BHMT2: variants seen among roughly 807,000 people sequenced by gnomAD.
BHMT2 encodes betaine--homocysteine S-methyltransferase 2, also known as S-methylmethionine--homocysteine S-methyltransferase BHMT2.
In BHMT2, 28 loss-of-function variants were observed where a neutral mutation model predicts 39.0. The ratio of observed to expected loss-of-function variants is 0.72; its 90% CI spans 0.53 to 0.98. The LOEUF (loss-of-function observed/expected upper bound fraction) is 0.98, where lower values mean the gene tolerates loss of function less well. Among genes scored for constraint, BHMT2 ranks in the 50% least tolerant of loss-of-function variants. BHMT2 has a pLI of 0.00. For synonymous variants in BHMT2, 145 were observed against 160.6 expected (o/e 0.90, Z 0.74); for missense variants, 410 against 455.6 (o/e 0.90, Z 0.91).
At chr5:79,088,133 T>C (rs1755941640) in intron 7 of BHMT2, among the ~76,000 whole-genome samples, 1 of 152,168 alleles carries the variant, frequency 6.6e-6, no homozygotes, top group African/African-American at 2.4e-5. Flanking sequence ...TGAGCCAAGA[T>C]TGTGCCACTG....
intron 5 of BHMT2, 62 bp from the exon 6 acceptor site, chr5:79,083,130 A>G (rs548590719): frequency 3.2e-6 from 5 of 1,585,842 alleles, no homozygotes; most frequent in African/African-American, 1.4e-5. Context: ...GTACCTTCCA[A>G]CTATTAAAAA....
At position 79,087,015 on chromosome 5, in the gene BHMT2, T is replaced by TGTGC. The variant is rs1491506149; in HGVS notation, c.1011-1478_1011-1477insGTGC. 4.1e-3 allele frequency among the ~76,000 whole-genome samples: 235 copies of TGTGC among 56,684 alleles called. 1 individual carries two copies. Among genetic ancestry groups the TGTGC allele is most frequent in the African/African-American group, 0.033 (230 of 6,966 alleles). The allele number at this position is 56,684 out of a possible 152,430, so 37.2% of individuals were successfully genotyped here. On this transcript the variant is annotated intron_variant, in intron 7 of 7. Coordinates refer to ENST00000255192, the MANE Select transcript of BHMT2 (RefSeq NM_017614.5). ...GTGTATGTATGTGTGTGTGTGTGTGTATATATATATATATATATATATATA... is the reference window on the plus strand; with the variant it reads ...GTGTATGTATGTGTGTGTGTGTGTGTGTGCATATATATATATATATATATATATA...
intron 3 of BHMT2, among the ~76,000 whole-genome samples, chr5:79,080,354 TCAAC>T (rs1365524744): frequency 2.0e-5 from 3 of 152,234 alleles, no homozygotes; most frequent in Non-Finnish European, 4.4e-5. Context: ...ATTAATTCAT[TCAAC>T]CAACCAACAT....
chr5:79,084,567 G>A (rs747501522), intron 7 of BHMT2, among the ~76,000 whole-genome samples: 11 of 152,122 alleles, frequency 7.2e-5, no homozygotes, highest in Non-Finnish European at 1.5e-4. Flanking sequence ...AAGGGCACTA[G>A]TCCCATTCAT....
rs376104626 is a variant in BHMT2, at chr5:79,083,814, G to A, written c.968G>A (p.Gly323Glu). Residue 323 changes from glycine to glutamate, a missense_variant, in exon 7 of 8, where the codon GGA becomes GAA. Coordinates refer to ENST00000255192, the MANE Select transcript of BHMT2 (RefSeq NM_017614.5). ...PPASEKHGSWGSGLDMHTKPW... is the reference protein window; with the variant it reads ...PPASEKHGSWESGLDMHTKPW... ...GCTTCAGAAAAACACGGCAGCTGGG[G>A]AAGTGGTTTGGACATGCACACCAAA... The A allele has an allele frequency of 6.3e-5, 102 of 1,614,050 alleles. No homozygotes were observed. Among genetic ancestry groups the A allele is most frequent in the Middle Eastern group, 1.6e-4 (1 of 6,080 alleles).
chr5:79,086,419 A>G (rs1006763148), intron 7 of BHMT2, among the ~76,000 whole-genome samples: 4 of 152,152 alleles, frequency 2.6e-5, no homozygotes, highest in Non-Finnish European at 5.9e-5. Context: ...ACTTCTGTGC[A>G]GTGTCTGTCT....
intron 1 of BHMT2, among the ~76,000 whole-genome samples, chr5:79,076,539 G>T (rs983184011): frequency 6.6e-6 from 1 of 152,196 alleles, no homozygotes; most frequent in East Asian, 1.9e-4. Flanking sequence ...AATAAGTTAT[G>T]AGTGGGCTAA....
chr5:79,088,400 T>TGTGGG, intron 7 of BHMT2, 93 bp from the exon 8 acceptor site: 1 of 492,572 alleles, frequency 2.0e-6, no homozygotes, highest in Non-Finnish European at 3.5e-6. Flanking sequence ...GTGTGTGTGG[T>TGTGGG]TATATACATA....
intron 1 of BHMT2, among the ~76,000 whole-genome samples, chr5:79,072,224 G>T (rs948106574): frequency 6.6e-6 from 1 of 151,590 alleles, no homozygotes; most frequent in African/African-American, 2.4e-5. Flanking sequence ...CTGAGATCGC[G>T]CTACTGCACT....
Position 79,080,796 on chromosome 5 carries a change from AG to A in BHMT2, c.370del (p.Asp124MetfsTer13), listed in dbSNP as rs1755773322. On this transcript the variant is annotated frameshift_variant, in exon 4 of 8. Transcript: ENST00000255192. LOFTEE classifies it high-confidence loss of function. ...CAGACATCAATATACAAATACCAGA[AG>A]GATGAAGCTAGAATTAAAAAACTTT... ...ICQTSIYKYQ[K>X]DEARIKKLFR... The A allele has an allele frequency of 6.2e-7, 1 of 1,607,118 alleles. No homozygotes were observed. Among genetic ancestry groups the A allele is most frequent in the Non-Finnish European group, 8.5e-7 (1 of 1,178,108 alleles).
At chr5:79,071,361 G>T (rs1755568222) in intron 1 of BHMT2, 1 of 126,130 alleles carries the variant, frequency 7.9e-6, no homozygotes, top group Non-Finnish European at 1.8e-5. Context: ...CTACTACACA[G>T]TGAAGTTGAT....
At chr5:79,074,929 CAG>C (rs1382651416) in intron 1 of BHMT2, among the ~76,000 whole-genome samples, 2 of 152,196 alleles carry the variant, frequency 1.3e-5, no homozygotes, top group Admixed American at 1.3e-4. Context: ...TCGTTTGAGA[CAG>C]AGTATGAACG....
Position 79,089,538 on chromosome 5 carries a change from A to G in BHMT2, c.*964A>G, listed in dbSNP as rs183460439. 6.6e-6 allele frequency: 1 copy of G among 152,340 alleles called. No homozygotes were observed. Among genetic ancestry groups the G allele is most frequent in the East Asian group, 1.9e-4 (1 of 5,190 alleles). The allele number at this position is 152,340 out of a possible 1,614,324, so 9.4% of individuals were successfully genotyped here. On this transcript the variant is annotated 3_prime_UTR_variant, in exon 8 of 8. Transcript: ENST00000255192. ...TAGCTAGGTTATAAACTATTTAAAG[A>G]CAAGATCACGTGATAAGCTTATAAT...
intron 2 of BHMT2, 99 bp from the exon 3 acceptor site, chr5:79,079,270 G>A (rs1352914962): frequency 6.2e-6 from 5 of 802,220 alleles, no homozygotes; most frequent in Non-Finnish European, 1.0e-5. Context: ...GATTGAAAGA[G>A]ATGGGAGTCA....
intron 1 of BHMT2, among the ~76,000 whole-genome samples, chr5:79,073,377 T>C (rs1755616551): frequency 6.6e-6 from 1 of 152,180 alleles, no homozygotes; most frequent in South Asian, 2.1e-4. Context: ...TGTGTAGCAT[T>C]TATTGGTCAC....
intron 1 of BHMT2, among the ~76,000 whole-genome samples, chr5:79,070,634 G>A (rs1217170117): frequency 6.6e-6 from 1 of 152,034 alleles, no homozygotes; most frequent in Non-Finnish European, 1.5e-5. Flanking sequence ...GGCAGTTTAT[G>A]CGTGGAAATG....
At position 79,083,072 on chromosome 5, in the gene BHMT2, T is replaced by G. The variant is rs1042564319; in HGVS notation, c.598+116T>G. ...TAGAAGAATGAACTCCAATCAGTTT[T>G]CTTATCTGTAAATTGTGGGAGGTGG... On this transcript the variant is annotated intron_variant, in intron 5 of 7. Coordinates refer to ENST00000255192, the MANE Select transcript of BHMT2 (RefSeq NM_017614.5). 7 of 1,573,690 alleles carry G rather than the reference T, an allele frequency of 4.4e-6. No homozygotes were observed. In the Admixed American group the frequency reaches 1.2e-4, roughly 27 times the overall value.
chr5:79,074,353 G>A (rs1010879103), intron 1 of BHMT2, among the ~76,000 whole-genome samples: 2 of 152,118 alleles, frequency 1.3e-5, no homozygotes, highest in African/African-American at 4.8e-5. Context: ...TCTCATGTTT[G>A]GTTCCATACT....
At position 79,087,010 on chromosome 5, in the gene BHMT2, G is replaced by GTATATATATA. The variant is rs71615505; in HGVS notation, c.1011-1482_1011-1481insATATATATAT. 5.4e-3 allele frequency among the ~76,000 whole-genome samples: 613 copies of GTATATATATA among 113,222 alleles called. 3 individuals carry two copies. Among genetic ancestry groups the GTATATATATA allele is most frequent in the African/African-American group, 7.7e-3 (184 of 23,932 alleles). The allele number at this position is 113,222 out of a possible 152,430, so 74.3% of individuals were successfully genotyped here. ...CTTTTGTGTATGTATGTGTGTGTGT[G>GTATATATATA]TGTGTATATATATATATATATATAT... On this transcript the variant is annotated intron_variant, in intron 7 of 7. Transcript: ENST00000255192.
Sources: allele counts gnomAD v4.1 joint callset (sites outside exome capture counted in the v4.1 genomes callset), GRCh38; gene constraint gnomAD v4.1.1; transcripts MANE v1.5; gene names NCBI Gene and HGNC (gene_info 2026-07-23, HGNC 2026-07-21).